MKRN2OS: variants seen among roughly 807,000 people sequenced by gnomAD.
The protein encoded by MKRN2OS is MKRN2 opposite strand protein.
A neutral mutation model predicts 18.2 loss-of-function variants in MKRN2OS; 17 were observed. That is an observed-to-expected ratio of 0.93 (90% confidence interval 0.64 to 1.40). MKRN2OS has a LOEUF of 1.40. MKRN2OS is among the 40% of genes most tolerant of loss of function. The pLI, the probability that MKRN2OS is intolerant of heterozygous loss-of-function variation, is 0.00. For synonymous variants in MKRN2OS, 121 were observed against 108.5 expected, an observed-to-expected ratio of 1.12 and a Z score of -0.72; for missense variants, 337 against 283.0, an observed-to-expected ratio of 1.19 and a Z score of -1.37.
rs2057870841 is a variant in MKRN2OS, at chr3:12,545,319, G to A, written c.146C>T (p.Ala49Val). Residue 49 changes from alanine to valine, a missense_variant, in exon 1 of 4, where the codon GCT becomes GTT. By Grantham distance (64) the Ala-to-Val change is moderately conservative. Transcript: ENST00000564146. ...TTGATGTCCATTAGTAAATGGATTA[G>A]CGATGCTAACAGGTGCGTCCTCCAG... Reference protein sequence around the residue: ...RKLEDAPVSIANPFTNGHQEK... With the variant: ...RKLEDAPVSIVNPFTNGHQEK... The A allele has an allele frequency of 6.5e-7, 1 of 1,536,150 alleles. No individual in the cohort carries two copies. Among genetic ancestry groups the A allele is most frequent in the South Asian group, 1.2e-5 (1 of 84,066 alleles).
At chr3:12,541,537 A>T (rs561143927) in intron 3 of MKRN2OS, among the ~76,000 whole-genome samples, 1 of 152,168 alleles carries the variant, frequency 6.6e-6, no homozygotes, top group South Asian at 2.1e-4. Context: ...GTTTTTTTTA[A>T]TTTTTAAGGA....
At chr3:12,550,090 G>A (rs9843910), upstream of MKRN2OS, among the ~76,000 whole-genome samples, 19,567 of 152,068 alleles carry the variant, frequency 0.13, 1,343 homozygotes, top group African/African-American at 0.14. Context: ...TGTGCTCTTT[G>A]GTATTTACCC....
chr3:12,543,687 A>T (rs926993383), intron 1 of MKRN2OS, among the ~76,000 whole-genome samples: 2 of 152,136 alleles, frequency 1.3e-5, no homozygotes, highest in South Asian at 4.1e-4. Flanking sequence ...GGAGTTCGAG[A>T]CCAGCCTGGA....
At position 12,545,439 on chromosome 3, in the gene MKRN2OS, G is replaced by C. The variant is rs1213567158; in HGVS notation, c.26C>G (p.Ala9Gly). 6.5e-7 allele frequency: 1 copy of C among 1,534,178 alleles called. No individual in the cohort carries two copies. Among genetic ancestry groups the C allele is most frequent in the East Asian group, 2.4e-5 (1 of 40,890 alleles). ...CTCACAGTGGTTGAATTTAATTAAAGCCTTCCCAGCCTCTGCGCAGTGCAT... is the reference window on the plus strand; with the variant it reads ...CTCACAGTGGTTGAATTTAATTAAACCCTTCCCAGCCTCTGCGCAGTGCAT... MHCAEAGK[A>G]LIKFNHCEKY... The change falls in exon 1 of 4, where the codon GCT (alanine) becomes GGT (glycine). Residue 9 changes from alanine to glycine, a missense_variant. By Grantham distance (60) the Ala-to-Gly change is moderately conservative. Coordinates refer to ENST00000564146, the MANE Select transcript of MKRN2OS (RefSeq NM_001195279.2).
At chr3:12,556,622 G>A (rs1038047298) in intron 1 of MKRN2OS, among the ~76,000 whole-genome samples, 3 of 152,160 alleles carry the variant, frequency 2.0e-5, no homozygotes, top group African/African-American at 7.2e-5. Context: ...GAGCAGTTGG[G>A]AGAGAGCTAA....
At chr3:12,547,979 G>C (rs1354933959), upstream of MKRN2OS, among the ~76,000 whole-genome samples, 1 of 152,126 alleles carries the variant, frequency 6.6e-6, no homozygotes. Flanking sequence ...ACTCAGCTCA[G>C]GTGACAAAGA....
chr3:12,557,482 C>T (rs1344878506), intron 1 of MKRN2OS, among the ~76,000 whole-genome samples: 2 of 152,206 alleles, frequency 1.3e-5, no homozygotes, highest in African/African-American at 4.8e-5. Context: ...GGGGCGCTGT[C>T]GGGAAGGCTC....
At position 12,545,329 on chromosome 3, in the gene MKRN2OS, C is replaced by G; in HGVS notation, c.136G>C (p.Val46Leu). 1.3e-6 allele frequency: 2 copies of G among 1,536,144 alleles called. No homozygotes were observed. Among genetic ancestry groups the G allele is most frequent in the Non-Finnish European group, 1.7e-6 (2 of 1,146,902 alleles). Residue 46 changes from valine to leucine, a missense_variant, in exon 1 of 4, where the codon GTT becomes CTT. By Grantham distance (32) the Val-to-Leu change is conservative. Transcript: ENST00000564146. ...LGSRKLEDAP[V>L]SIANPFTNGH... ...TTAGTAAATGGATTAGCGATGCTAA[C>G]AGGTGCGTCCTCCAGCTTCCTCGAG...
intron 3 of MKRN2OS, among the ~76,000 whole-genome samples, chr3:12,540,940 T>G (rs1220939395): frequency 1.3e-5 from 2 of 150,340 alleles, no homozygotes; most frequent in Non-Finnish European, 3.0e-5. Context: ...CCGTTTCTGC[T>G]TGCTGCAGAT....
chr3:12,545,526 C>T (rs889835837), upstream of MKRN2OS: 4 of 1,281,770 alleles, frequency 3.1e-6, no homozygotes, highest in African/African-American at 6.0e-5. Flanking sequence ...TCATTATACA[C>T]CTGGCGAATG....
rs143388804 is a variant in MKRN2OS, at chr3:12,540,308, G to C, written c.557C>G (p.Thr186Arg). 13 of 1,535,996 alleles carry C rather than the reference G, an allele frequency of 8.5e-6. No homozygotes were observed. Among genetic ancestry groups the C allele is most frequent in the Non-Finnish European group, 1.1e-5 (13 of 1,146,920 alleles). The change falls in exon 4 of 4, where the codon ACA becomes AGA. Residue 186 changes from threonine to arginine, a missense_variant. Transcript: ENST00000564146. ...EFTEKYVVPRTRLASKFITLY... is the reference protein window; with the variant it reads ...EFTEKYVVPRRRLASKFITLY... ...TGTGATGAACTTGGATGCCAGCCTT[G>C]TCCGCGGGACCACGTACTTCTCCGT...
At chr3:12,553,444 G>C (rs2057943970), downstream of MKRN2OS, among the ~76,000 whole-genome samples, 2 of 151,632 alleles carry the variant, frequency 1.3e-5, no homozygotes, top group East Asian at 3.9e-4. Context: ...AAAAAAAAAA[G>C]TGATAAAAGT....
downstream of MKRN2OS, among the ~76,000 whole-genome samples, chr3:12,551,283 A>G (rs2057927665): frequency 6.6e-6 from 1 of 152,012 alleles, no homozygotes; most frequent in Non-Finnish European, 1.5e-5. Flanking sequence ...ACTTGAGGCC[A>G]GGAGTTTTGA....
In MKRN2OS at chr3:12,539,794, T is replaced by A. The variant is rs1365019427; in HGVS notation, c.*399A>T. Among the ~76,000 whole-genome samples, 2 of 152,308 alleles carry A rather than the reference T, an allele frequency of 1.3e-5. No individual in the cohort carries two copies. Among genetic ancestry groups the A allele is most frequent in the South Asian group, 4.1e-4 (2 of 4,828 alleles). On this transcript the variant is annotated 3_prime_UTR_variant, in exon 4 of 4. Transcript: ENST00000564146. ...ATACACGTTTTTATTTTTTATTTTTTATTTTTTTGAGATGGAGTTTCACTC... is the reference window on the plus strand; with the variant it reads ...ATACACGTTTTTATTTTTTATTTTTAATTTTTTTGAGATGGAGTTTCACTC...
At chr3:12,560,548 G>GTTT in intron 1 of MKRN2OS, among the ~76,000 whole-genome samples, 1 of 151,158 alleles carries the variant, frequency 6.6e-6, no homozygotes, top group African/African-American at 2.4e-5. Flanking sequence ...TTGCAAAAGC[G>GTTT]TTTTGCTAAA....
At chr3:12,557,697 G>C (rs2442820) in intron 1 of MKRN2OS, among the ~76,000 whole-genome samples, 70,608 of 151,758 alleles carry the variant, frequency 0.47, 17,859 homozygotes, top group African/African-American at 0.66. Flanking sequence ...GTAGCATATT[G>C]TGAATATCGG....
intron 3 of MKRN2OS, among the ~76,000 whole-genome samples, chr3:12,540,724 T>A (rs2057788749): frequency 1.3e-5 from 2 of 151,864 alleles, no homozygotes; most frequent in Non-Finnish European, 2.9e-5. Flanking sequence ...AAATACAAGT[T>A]AGCTGGGCAT....
chr3:12,542,674 G>A (rs960268285), intron 2 of MKRN2OS, among the ~76,000 whole-genome samples: 3 of 150,210 alleles, frequency 2.0e-5, no homozygotes, highest in African/African-American at 7.4e-5. Flanking sequence ...AGAGCTATAG[G>A]TGGCCAAAGG....
Sources: allele counts gnomAD v4.1 joint callset (sites outside exome capture counted in the v4.1 genomes callset), GRCh38; gene constraint gnomAD v4.1.1; transcripts MANE v1.5; gene names NCBI Gene and HGNC (gene_info 2026-07-23, HGNC 2026-07-21).